The following TMED3 variants were observed in gnomAD, a reference collection of about 807,000 sequenced individuals.
TMED3 encodes the protein transmembrane emp24 domain-containing protein 3.
In TMED3, 9 loss-of-function variants were observed where a neutral mutation model predicts 15.0. The ratio of observed to expected loss-of-function variants is 0.60; its 90% CI spans 0.36 to 1.04. TMED3 has a LOEUF of 1.04. Ranked by LOEUF, TMED3 falls within the 50% of genes least tolerant of loss-of-function variation. The pLI is 0.01. For synonymous variants in TMED3, 117 were observed against 121.4 expected, an observed-to-expected ratio of 0.96 and a Z score of 0.24; for missense variants, 267 against 278.9, an observed-to-expected ratio of 0.96 and a Z score of 0.30.
At chr15:79,398,233 C>T (rs983045329) in intron 2 of TMED3, among the ~76,000 whole-genome samples, 3 of 152,130 alleles carry the variant, frequency 2.0e-5, no homozygotes, top group South Asian at 2.1e-4. Flanking sequence ...GTTGGAATTA[C>T]ACAGTACGTA....
intron 2 of TMED3, among the ~76,000 whole-genome samples, chr15:79,316,735 A>G (rs1055119945): frequency 1.7e-4 from 26 of 152,180 alleles, no homozygotes; most frequent in African/African-American, 5.6e-4. Context: ...GCTCCAGGAC[A>G]CTGGAAGCCA....
At chr15:79,349,357 G>A (rs527540746) in intron 2 of TMED3, among the ~76,000 whole-genome samples, 5 of 151,976 alleles carry the variant, frequency 3.3e-5, no homozygotes, top group South Asian at 2.1e-4. Context: ...TTTTTTTAAA[G>A]TATAAGATAC....
intron 2 of TMED3, among the ~76,000 whole-genome samples, chr15:79,365,825 C>T (rs1006524193): frequency 6.6e-6 from 1 of 152,192 alleles, no homozygotes; most frequent in South Asian, 2.1e-4. Context: ...TTTTTATTTT[C>T]CTTTCACAGC....
In TMED3 at chr15:79,375,620, AAG is replaced by A. The variant is rs1266347732; in HGVS notation, c.418-35771_418-35770del. On this transcript the variant is annotated intron_variant, in intron 2 of 2. Transcript: ENST00000424155. ...CATGTCACATGGCGAAAGCAGAAGC[AAG>A]AGAGAGAGGGAGGAGGTGCCACATA... Among the ~76,000 whole-genome samples the A allele has an allele frequency of 3.3e-5, 5 of 152,134 alleles. No individual in the cohort carries two copies. In the East Asian group the frequency reaches 9.7e-4, roughly 29 times the overall value.
At chr15:79,334,183 G>A (rs1252961154) in intron 2 of TMED3, among the ~76,000 whole-genome samples, 1 of 152,112 alleles carries the variant, frequency 6.6e-6, no homozygotes. Context: ...GCAAATAAGA[G>A]TAAAATAGAA....
At chr15:79,377,829 G>T (rs1246210693) in intron 2 of TMED3, among the ~76,000 whole-genome samples, 1 of 151,766 alleles carries the variant, frequency 6.6e-6, no homozygotes, top group East Asian at 1.9e-4. Flanking sequence ...TGTACTTTTA[G>T]TAGAGACGGG....
chr15:79,404,862 A>C (rs968209703), intron 2 of TMED3, among the ~76,000 whole-genome samples: 2 of 152,194 alleles, frequency 1.3e-5, no homozygotes, highest in Non-Finnish European at 2.9e-5. Flanking sequence ...TTTGTTTAGC[A>C]TCAACATAAG....
intron 2 of TMED3, among the ~76,000 whole-genome samples, chr15:79,395,343 C>G (rs1177777144): frequency 6.6e-6 from 1 of 152,150 alleles, no homozygotes; most frequent in South Asian, 2.1e-4. Context: ...CCACGCCTGG[C>G]TAATTTTTTG....
At chr15:79,314,096 T>C (rs1359225600) in intron 2 of TMED3, 91 bp downstream of exon 2, 5 of 1,508,694 alleles carry the variant, frequency 3.3e-6, no homozygotes, top group East Asian at 4.6e-5. Context: ...GGAGTCATCA[T>C]CCATCCAGCT....
intron 2 of TMED3, among the ~76,000 whole-genome samples, chr15:79,399,018 C>G (rs1893799212): frequency 6.6e-6 from 1 of 152,208 alleles, no homozygotes; most frequent in Non-Finnish European, 1.5e-5. Flanking sequence ...TCAAGCGATT[C>G]TCATGCCTCA....
At chr15:79,369,862 T>G (rs948518954) in intron 2 of TMED3, among the ~76,000 whole-genome samples, 6 of 152,190 alleles carry the variant, frequency 3.9e-5, no homozygotes, top group African/African-American at 1.4e-4. Flanking sequence ...GCGATCCTTT[T>G]TTTCCCCTTC....
intron 2 of TMED3, among the ~76,000 whole-genome samples, chr15:79,403,090 T>C (rs774231049): frequency 6.7e-6 from 1 of 150,322 alleles, no homozygotes; most frequent in Non-Finnish European, 1.5e-5. Flanking sequence ...GGTGTGGTGG[T>C]GCATGCCTGT....
intron 2 of TMED3, among the ~76,000 whole-genome samples, chr15:79,408,789 G>A (rs573261843): frequency 1.3e-4 from 20 of 152,222 alleles, no homozygotes; most frequent in South Asian, 4.1e-4. Context: ...AGCCTTGTGC[G>A]ATTCAAAAGA....
At chr15:79,353,131 A>T (rs370657892) in intron 2 of TMED3, among the ~76,000 whole-genome samples, 177 of 70,196 alleles carry the variant, frequency 2.5e-3, no homozygotes, top group Non-Finnish European at 3.7e-3. Flanking sequence ...AATATATATA[A>T]AATATATAAA....
At chr15:79,388,591 C>T (rs1893657847) in intron 2 of TMED3, among the ~76,000 whole-genome samples, 2 of 152,064 alleles carry the variant, frequency 1.3e-5, no homozygotes, top group Admixed American at 1.3e-4. Flanking sequence ...TGTATAATGA[C>T]TTCTTTTCCT....
At chr15:79,352,263 A>G (rs181634914) in intron 2 of TMED3, among the ~76,000 whole-genome samples, 108 of 152,270 alleles carry the variant, frequency 7.1e-4, no homozygotes, top group African/African-American at 2.5e-3. Flanking sequence ...GGCATAGACC[A>G]TTGTTTCTGA....
At chr15:79,364,526 ATTTCTG>A (rs889782905) in intron 2 of TMED3, among the ~76,000 whole-genome samples, 2 of 151,784 alleles carry the variant, frequency 1.3e-5, no homozygotes, top group African/African-American at 4.8e-5. Context: ...GGGAACAGGC[ATTTCTG>A]TTTTCATTCC....
At chr15:79,354,525 AG>A (rs1341668694) in intron 2 of TMED3, among the ~76,000 whole-genome samples, 2 of 152,132 alleles carry the variant, frequency 1.3e-5, no homozygotes, top group South Asian at 2.1e-4. Flanking sequence ...TGCTGATAAC[AG>A]GTTCTTAGCC....
At chr15:79,359,967 G>C (rs1253649552) in intron 2 of TMED3, among the ~76,000 whole-genome samples, 3 of 152,154 alleles carry the variant, frequency 2.0e-5, no homozygotes, top group Non-Finnish European at 4.4e-5. Context: ...GTCTAATGAT[G>C]AATATAGTGT....
Sources: gnomAD v4.1 joint callset for allele counts (sites outside exome capture counted in the v4.1 genomes callset) on GRCh38, gnomAD v4.1.1 for gene constraint, MANE v1.5 for transcripts, NCBI Gene and HGNC (gene_info 2026-07-23, HGNC 2026-07-21) for gene names.